RCAN2: variants seen among roughly 807,000 people sequenced by gnomAD.
The protein encoded by RCAN2 is regulator of calcineurin 2, also known as calcipressin-2.
In RCAN2, 9 loss-of-function variants were observed where a neutral mutation model predicts 23.6. The observed-to-expected ratio is 0.38, with a 90% confidence interval of 0.23 to 0.67. The LOEUF (loss-of-function observed/expected upper bound fraction) is 0.67. RCAN2 is among the 30% of genes least tolerant of loss of function. RCAN2 has a pLI of 0.51. For synonymous variants in RCAN2, 109 were observed against 115.7 expected, an observed-to-expected ratio of 0.94 and a Z score of 0.37; for missense variants, 273 against 302.3, an observed-to-expected ratio of 0.90 and a Z score of 0.72.
At chr6:46,255,281 T>C (rs1334359024) in intron 2 of RCAN2, among the ~76,000 whole-genome samples, 4 of 151,742 alleles carry the variant, frequency 2.6e-5, no homozygotes, top group Admixed American at 1.3e-4. Flanking sequence ...TGTTGAGGGA[T>C]AGGAGAAGAA....
In RCAN2 at chr6:46,441,873, A is replaced by G. The variant is rs1187845697; in HGVS notation, c.225+14879T>C. Among the ~76,000 whole-genome samples, 3 of 152,358 alleles carry G rather than the reference A, an allele frequency of 2.0e-5. No homozygotes were observed. In the South Asian group the frequency reaches 6.2e-4, roughly 32 times the overall value. On this transcript the variant is annotated intron_variant, in intron 2 of 4. Coordinates refer to ENST00000371374, the MANE Select transcript of RCAN2 (RefSeq NM_001251974.2). ...ATGAACAGGTAATAAGGAAGTCTAT[A>G]CAGCACACTAATAACCCCACTCTCA... is the stretch of plus-strand genomic sequence containing the variant.
chr6:46,476,411 A>C, intron 1 of RCAN2, among the ~76,000 whole-genome samples: 1 of 152,352 alleles, frequency 6.6e-6, no homozygotes, highest in African/African-American at 2.4e-5. Context: ...TGCTATCAAC[A>C]GTCATCCAAT....
chr6:46,437,239 T>C (rs1335701673), intron 2 of RCAN2, among the ~76,000 whole-genome samples: 3 of 152,216 alleles, frequency 2.0e-5, no homozygotes, highest in Non-Finnish European at 4.4e-5. Context: ...CAATCCTTTT[T>C]AATGCCCTGC....
At chr6:46,461,177 A>G (rs936941794) in intron 1 of RCAN2, among the ~76,000 whole-genome samples, 1 of 152,166 alleles carries the variant, frequency 6.6e-6, no homozygotes, top group African/African-American at 2.4e-5. Context: ...TGTTTTTTTT[A>G]CATGTAAAAT....
intron 2 of RCAN2, among the ~76,000 whole-genome samples, chr6:46,326,727 A>T (rs914753917): frequency 6.6e-6 from 1 of 152,216 alleles, no homozygotes; most frequent in Admixed American, 6.5e-5. Context: ...TGGCCACTGG[A>T]ACATCCTGAT....
intron 2 of RCAN2, among the ~76,000 whole-genome samples, chr6:46,374,429 AT>A (rs1400864150): frequency 6.6e-6 from 1 of 152,176 alleles, no homozygotes; most frequent in Admixed American, 6.5e-5. Flanking sequence ...ACAGAAAATC[AT>A]TTTTTATATT....
intron 4 of RCAN2, among the ~76,000 whole-genome samples, chr6:46,236,808 G>A (rs1766116898): frequency 6.6e-6 from 1 of 152,198 alleles, no homozygotes. Flanking sequence ...CACACAGTAG[G>A]TGTCATAGAA....
intron 2 of RCAN2, among the ~76,000 whole-genome samples, chr6:46,438,990 A>C (rs1767450850): frequency 1.3e-5 from 2 of 152,232 alleles, no homozygotes; most frequent in African/African-American, 2.4e-5. Context: ...ATCTTAGGAT[A>C]CATCTTAGGT....
intron 2 of RCAN2, among the ~76,000 whole-genome samples, chr6:46,273,378 G>A (rs368449301): frequency 3.9e-5 from 6 of 152,294 alleles, no homozygotes; most frequent in Admixed American, 6.5e-5. Flanking sequence ...TGGTGTTTGC[G>A]TAGCACTTCA....
At chr6:46,468,079 C>A (rs1768445984) in intron 1 of RCAN2, among the ~76,000 whole-genome samples, 1 of 152,196 alleles carries the variant, frequency 6.6e-6, no homozygotes, top group African/African-American at 2.4e-5. Flanking sequence ...ATGAGATAAT[C>A]CTAGTAAAGA....
chr6:46,292,548 T>C (rs182997480), intron 2 of RCAN2, among the ~76,000 whole-genome samples: 2 of 151,578 alleles, frequency 1.3e-5, no homozygotes, highest in East Asian at 3.9e-4. Flanking sequence ...CCTCAAATGA[T>C]CTGCTGAGAT....
intron 2 of RCAN2, among the ~76,000 whole-genome samples, chr6:46,343,375 ATT>A (rs3084618): frequency 4.4e-5 from 6 of 135,634 alleles, no homozygotes; most frequent in Admixed American, 7.7e-5. Flanking sequence ...TGGGAAAACA[ATT>A]TTTTTTTTTT....
At chr6:46,475,332 G>C (rs1163917351) in intron 1 of RCAN2, among the ~76,000 whole-genome samples, 1 of 152,156 alleles carries the variant, frequency 6.6e-6, no homozygotes, top group Non-Finnish European at 1.5e-5. Flanking sequence ...TAATTTATTG[G>C]CCATACAGAG....
chr6:46,306,243 C>G (rs1763063002), intron 2 of RCAN2, among the ~76,000 whole-genome samples: 1 of 152,096 alleles, frequency 6.6e-6, no homozygotes, highest in Non-Finnish European at 1.5e-5. Context: ...ACAGACGGCT[C>G]CACTGAAATC....
chr6:46,234,768 C>A (rs924632757), intron 4 of RCAN2, among the ~76,000 whole-genome samples: 4 of 152,240 alleles, frequency 2.6e-5, no homozygotes, highest in South Asian at 2.1e-4. Context: ...GCCTTTGAAA[C>A]TGACTGAGGT....
At chr6:46,418,432 T>C (rs924036363) in intron 2 of RCAN2, among the ~76,000 whole-genome samples, 2 of 152,000 alleles carry the variant, frequency 1.3e-5, no homozygotes, top group African/African-American at 4.8e-5. Flanking sequence ...CTCAATTCCT[T>C]ACAAAATTTG....
chr6:46,342,686 C>T (rs1359311822), intron 2 of RCAN2, among the ~76,000 whole-genome samples: 3 of 151,556 alleles, frequency 2.0e-5, no homozygotes, highest in Admixed American at 2.0e-4. Context: ...GTAAGCCCTT[C>T]CCATGGGAGC....
intron 2 of RCAN2, among the ~76,000 whole-genome samples, chr6:46,319,504 A>C (rs370311042): frequency 5.9e-5 from 9 of 152,224 alleles, no homozygotes; most frequent in Admixed American, 2.0e-4. Flanking sequence ...CAGATAAACA[A>C]GTTTTTAGTT....
At chr6:46,331,501 G>T (rs1346761367) in intron 2 of RCAN2, among the ~76,000 whole-genome samples, 1 of 152,144 alleles carries the variant, frequency 6.6e-6, no homozygotes, top group African/African-American at 2.4e-5. Context: ...TTTAGCTAGT[G>T]GGAGTTTAAT....
Sources: gnomAD v4.1 joint callset for allele counts (sites outside exome capture counted in the v4.1 genomes callset) on GRCh38, gnomAD v4.1.1 for gene constraint, MANE v1.5 for transcripts, NCBI Gene and HGNC (gene_info 2026-07-23, HGNC 2026-07-21) for gene names.